CAMKMT: variants seen among roughly 807,000 people sequenced by gnomAD.
CAMKMT encodes CaM KMT.
In CAMKMT, 53 loss-of-function variants were observed where a neutral mutation model predicts 48.0. The ratio of observed to expected loss-of-function variants is 1.10; its 90% CI spans 0.89 to 1.39. The LOEUF is 1.39. CAMKMT is among the 40% of genes most tolerant of loss of function. The pLI is 0.00. For synonymous variants in CAMKMT, 165 were observed against 152.3 expected (o/e 1.08, Z -0.61); for missense variants, 428 against 402.7 (o/e 1.06, Z -0.54).
chr2:44,538,781 T>TAA (rs61035150), intron 3 of CAMKMT, among the ~76,000 whole-genome samples: 2 of 151,814 alleles, frequency 1.3e-5, no homozygotes, highest in South Asian at 4.2e-4. Flanking sequence ...AATAATCATT[T>TAA]AAAAAAAGTT....
In CAMKMT at chr2:44,372,713, A is replaced by G; in HGVS notation, c.139-3A>G. On this transcript the variant is annotated splice_polypyrimidine_tract_variant and splice_region_variant and intron_variant, in intron 1 of 10. Transcript: ENST00000378494. The stretch of plus-strand genomic sequence containing the variant: ...GACTGCAATATTTGGCTTTATTTCA[A>G]AGGTTCTGAAGCAAAAACACCTGGA... 6.2e-7 allele frequency: 1 copy of G among 1,607,592 alleles called. No individual in the cohort carries two copies. Among genetic ancestry groups the G allele is most frequent in the Non-Finnish European group, 8.5e-7 (1 of 1,177,882 alleles).
chr2:44,745,389 G>A (rs937428684), intron 8 of CAMKMT, among the ~76,000 whole-genome samples: 1 of 152,156 alleles, frequency 6.6e-6, no homozygotes, highest in Non-Finnish European at 1.5e-5. Flanking sequence ...TCTGATTAAT[G>A]TTCTCAGGTT....
chr2:44,456,473 T>G (rs1206165101), intron 3 of CAMKMT: 19 of 1,448,270 alleles, frequency 1.3e-5, no homozygotes, highest in African/African-American at 2.9e-5. Flanking sequence ...AATATGTACA[T>G]TCTTGTGAAA....
chr2:44,669,168 T>G (rs544084064), intron 3 of CAMKMT, among the ~76,000 whole-genome samples: 17 of 152,346 alleles, frequency 1.1e-4, no homozygotes, highest in Non-Finnish European at 1.3e-4. Flanking sequence ...GTTTTGCATG[T>G]TTTGGACTTA....
At chr2:44,434,602 G>A (rs1684839996) in intron 3 of CAMKMT, among the ~76,000 whole-genome samples, 1 of 152,116 alleles carries the variant, frequency 6.6e-6, no homozygotes, top group East Asian at 1.9e-4. Flanking sequence ...TAGTGACTTT[G>A]TCTTATTCAA....
At chr2:44,449,699 C>T (rs562791444) in intron 3 of CAMKMT, among the ~76,000 whole-genome samples, 24 of 152,214 alleles carry the variant, frequency 1.6e-4, no homozygotes, top group Non-Finnish European at 3.4e-4. Context: ...CTAATTAATA[C>T]TTGCTTAAAA....
At chr2:44,434,435 A>T (rs1403587270) in intron 3 of CAMKMT, among the ~76,000 whole-genome samples, 1 of 152,176 alleles carries the variant, frequency 6.6e-6, no homozygotes, top group Non-Finnish European at 1.5e-5. Context: ...TTTCAATATT[A>T]ACTCATTTAG....
At chr2:44,477,250 CAA>C in intron 3 of CAMKMT, among the ~76,000 whole-genome samples, 1 of 152,234 alleles carries the variant, frequency 6.6e-6, no homozygotes, top group South Asian at 2.1e-4. Context: ...CATAGTAGAG[CAA>C]ACCCATGATG....
At position 44,772,249 on chromosome 2, in the gene CAMKMT, C is replaced by T; in HGVS notation, c.*136C>T. On this transcript the variant is annotated 3_prime_UTR_variant, in exon 11 of 11. Coordinates refer to ENST00000378494, the MANE Select transcript of CAMKMT (RefSeq NM_024766.5). ...TTCACGTGTGGGCTATGGACTCCACCTGTCCTCACCCACGTTATTCCCCAG... is the reference window on the plus strand; with the variant it reads ...TTCACGTGTGGGCTATGGACTCCACTTGTCCTCACCCACGTTATTCCCCAG... 3.1e-6 allele frequency: 2 copies of T among 644,408 alleles called. No homozygotes were observed. The highest frequency in any genetic ancestry group is 2.7e-6 in the Non-Finnish European group (1 of 372,418). The allele number at this position is 644,408 out of a possible 1,614,324, so 39.9% of individuals were successfully genotyped here.
intron 3 of CAMKMT, among the ~76,000 whole-genome samples, chr2:44,609,880 C>G (rs1260026997): frequency 6.6e-6 from 1 of 152,186 alleles, no homozygotes; most frequent in African/African-American, 2.4e-5. Context: ...TACAAAACAT[C>G]TTTCAGATGT....
intron 3 of CAMKMT, among the ~76,000 whole-genome samples, chr2:44,548,261 C>T (rs937829312): frequency 1.3e-5 from 2 of 152,178 alleles, no homozygotes; most frequent in African/African-American, 4.8e-5. Context: ...ATAGGATGAA[C>T]ATTAGACAAA....
At chr2:44,378,399 T>A (rs1396774539) in intron 2 of CAMKMT, among the ~76,000 whole-genome samples, 1 of 152,216 alleles carries the variant, frequency 6.6e-6, no homozygotes, top group Non-Finnish European at 1.5e-5. Context: ...GGAAAACATC[T>A]CTTTAGCTAT....
At chr2:44,766,691 T>C in intron 10 of CAMKMT, 130 bp downstream of exon 10, 1 of 928,774 alleles carries the variant, frequency 1.1e-6, no homozygotes, top group South Asian at 1.7e-5. Flanking sequence ...TGAACAGCTA[T>C]TTGTATCTGA....
Position 44,731,343 on chromosome 2 carries a change from AAAAC to A in CAMKMT, c.624-12267_624-12264del, listed in dbSNP as rs762526261. ...GTGACAGAGCAAGACTCTGTCTCAG[AAAAC>A]AAACAAACAAAAAACAGGACTCACT... On this transcript the variant is annotated intron_variant, in intron 7 of 10. Transcript: ENST00000378494. Among the ~76,000 whole-genome samples the A allele has an allele frequency of 2.1e-3, 315 of 152,318 alleles. 1 individual carries two copies. The highest frequency in any genetic ancestry group is 3.8e-3 in the Non-Finnish European group (261 of 68,016).
chr2:44,371,925 G>T (rs912929508), intron 1 of CAMKMT, among the ~76,000 whole-genome samples: 4 of 152,090 alleles, frequency 2.6e-5, no homozygotes, highest in African/African-American at 9.6e-5. Context: ...ATTATTATTG[G>T]TTGATATGCC....
intron 3 of CAMKMT, among the ~76,000 whole-genome samples, chr2:44,451,371 A>G (rs978263039): frequency 1.3e-5 from 2 of 152,024 alleles, no homozygotes; most frequent in African/African-American, 4.8e-5. Context: ...CTTTTTTTAT[A>G]ACTCAAAAAC....
chr2:44,709,047 G>A (rs1181512012), intron 6 of CAMKMT, among the ~76,000 whole-genome samples: 1 of 152,060 alleles, frequency 6.6e-6, no homozygotes, highest in Non-Finnish European at 1.5e-5. Context: ...TCCAAAGAAG[G>A]GAAGCAATGC....
intron 2 of CAMKMT, among the ~76,000 whole-genome samples, chr2:44,378,751 CA>C (rs1679951565): frequency 6.6e-6 from 1 of 152,118 alleles, no homozygotes; most frequent in Non-Finnish European, 1.5e-5. Context: ...CTTGGCCTCC[CA>C]AAGTGCTGGT....
chr2:44,741,622 T>C (rs867499040), intron 7 of CAMKMT, among the ~76,000 whole-genome samples: 68 of 152,332 alleles, frequency 4.5e-4, no homozygotes, highest in African/African-American at 1.5e-3. Flanking sequence ...ACTCTCTTTC[T>C]CTGTCACATG....
Sources: gnomAD v4.1 joint callset for allele counts (sites outside exome capture counted in the v4.1 genomes callset) on GRCh38, gnomAD v4.1.1 for gene constraint, MANE v1.5 for transcripts, NCBI Gene and HGNC (gene_info 2026-07-23, HGNC 2026-07-21) for gene names.